The following KNTC1 variants were observed in gnomAD, a reference collection of about 807,000 sequenced individuals.
The protein encoded by KNTC1 is kinetochore associated 1.
In KNTC1, 253 loss-of-function variants were observed where a neutral mutation model predicts 314.4. The observed-to-expected ratio is 0.80, with a 90% confidence interval of 0.73 to 0.89. The LOEUF is 0.89. Among genes scored for constraint, KNTC1 ranks in the 40% least tolerant of loss-of-function variants. The pLI is 0.00. For missense variants in KNTC1, 2,475 were observed against 2,572.9 expected (o/e 0.96, Z 0.82); for synonymous variants, 901 against 901.4 (o/e 1.00, Z 0.01).
Position 122,602,566 on chromosome 12 carries a change from T to C in KNTC1, c.4654-3T>C, listed in dbSNP as rs1366503093. The C allele has an allele frequency of 2.5e-6, 4 of 1,588,448 alleles. No individual in the cohort carries two copies. The highest frequency in any genetic ancestry group is 3.4e-6 in the Non-Finnish European group (4 of 1,163,078). ...TGGACAAAAGTTTTTTATTTTAATATAGGCATTGAGTATTCTGAAACATTT... is the reference window on the plus strand; with the variant it reads ...TGGACAAAAGTTTTTTATTTTAATACAGGCATTGAGTATTCTGAAACATTT... On this transcript the variant is annotated splice_region_variant and splice_polypyrimidine_tract_variant and intron_variant, in intron 45 of 63. Coordinates refer to ENST00000333479, the MANE Select transcript of KNTC1 (RefSeq NM_014708.6).
chr12:122,569,925 G>GC, intron 22 of KNTC1, 101 bp downstream of exon 22: 1 of 1,006,688 alleles, frequency 9.9e-7, no homozygotes, highest in Non-Finnish European at 1.5e-6. Context: ...ACACCAGTTA[G>GC]TTAAGCTAAC....
At chr12:122,559,828 G>A (rs954903847) in intron 18 of KNTC1, among the ~76,000 whole-genome samples, 15 of 152,136 alleles carry the variant, frequency 9.9e-5, no homozygotes, top group African/African-American at 3.6e-4. Context: ...GCCTGTTTTG[G>A]CCTCCCAAAG....
intron 42 of KNTC1, chr12:122,593,401 C>G (rs1490714642): frequency 6.6e-6 from 1 of 151,728 alleles, no homozygotes; most frequent in Non-Finnish European, 1.5e-5. Context: ...GTAGCTGGGA[C>G]TACAGGCATG....
intron 48 of KNTC1, among the ~76,000 whole-genome samples, chr12:122,603,904 T>C (rs1375364836): frequency 6.6e-6 from 1 of 152,170 alleles, no homozygotes; most frequent in Non-Finnish European, 1.5e-5. Flanking sequence ...AAGTGACTTT[T>C]TAAAAAATGC....
chr12:122,614,127 G>A (rs1408387071), intron 55 of KNTC1, among the ~76,000 whole-genome samples: 6 of 152,064 alleles, frequency 3.9e-5, no homozygotes, highest in African/African-American at 7.2e-5. Context: ...CACTGCACCC[G>A]ACCCAGGAAC....
At chr12:122,550,137 G>C (rs932873317) in intron 13 of KNTC1, among the ~76,000 whole-genome samples, 1 of 133,794 alleles carries the variant, frequency 7.5e-6, no homozygotes, top group African/African-American at 3.1e-5. Context: ...AGGAAGTATA[G>C]ATGATAATGG....
At chr12:122,583,097 G>A (rs941037833) in intron 34 of KNTC1, 112 bp downstream of exon 34, 16 of 957,872 alleles carry the variant, frequency 1.7e-5, no homozygotes, top group Non-Finnish European at 2.0e-5. Context: ...GGATCACAAG[G>A]TCAGGAGATC....
chr12:122,616,331 C>T (rs1873761535), intron 57 of KNTC1, among the ~76,000 whole-genome samples: 3 of 149,374 alleles, frequency 2.0e-5, no homozygotes, highest in South Asian at 2.1e-4. Context: ...TGTGTGATCT[C>T]GGCTCATTGC....
At chr12:122,581,063 T>A (rs916648214) in intron 33 of KNTC1, among the ~76,000 whole-genome samples, 3 of 151,864 alleles carry the variant, frequency 2.0e-5, no homozygotes, top group Non-Finnish European at 4.4e-5. Flanking sequence ...CACTAGCCTT[T>A]AGGGACTGGA....
At chr12:122,624,089 C>T (rs1874739181) in intron 62 of KNTC1, among the ~76,000 whole-genome samples, 1 of 151,914 alleles carries the variant, frequency 6.6e-6, no homozygotes. Flanking sequence ...AAAAAAAGAA[C>T]AATGTGTAAC....
At chr12:122,543,163 T>C (rs1015738982) in intron 6 of KNTC1, among the ~76,000 whole-genome samples, 4 of 152,212 alleles carry the variant, frequency 2.6e-5, no homozygotes, top group African/African-American at 9.6e-5. Context: ...TTTGCCCGTC[T>C]TGGCCTCCCA....
rs993431960 is a variant in KNTC1, at chr12:122,582,586, A to T, written c.2983-119A>T. The stretch of plus-strand genomic sequence containing the variant: ...ATATACCCAGGTGAGAAGCCCAGAC[A>T]TGTACCCCTGAATCTAAAATAAAAG... On this transcript the variant is annotated intron_variant, in intron 33 of 63. Coordinates refer to ENST00000333479, the MANE Select transcript of KNTC1 (RefSeq NM_014708.6). 11 of 901,102 alleles carry T rather than the reference A, an allele frequency of 1.2e-5. No homozygotes were observed. The Admixed American group carries it at 2.0e-4, about 17-fold the overall frequency. The allele number at this position is 901,102 out of a possible 1,614,324, so 55.8% of individuals were successfully genotyped here.
In KNTC1 at chr12:122,591,416, C is replaced by G; in HGVS notation, c.4208C>G (p.Thr1403Ser). ...EMGLKFRELSTDAQWGIRLGK... is the reference protein window; with the variant it reads ...EMGLKFRELSSDAQWGIRLGK... Reference sequence around the variant, plus strand: ...GGGCTTAAGTTCCGTGAACTCAGTACTGATGCCCAGTGGGGCATTCGTCTT... The same window carrying G: ...GGGCTTAAGTTCCGTGAACTCAGTAGTGATGCCCAGTGGGGCATTCGTCTT... The change falls in exon 42 of 64, where the codon ACT becomes AGT. Residue 1403 changes from threonine to serine, a missense_variant. Physicochemically the swap from Thr to Ser is moderately conservative, Grantham distance 58 (BLOSUM62 1). Transcript: ENST00000333479. The G allele has an allele frequency of 6.2e-7, 1 of 1,607,372 alleles. No homozygotes were observed. Among genetic ancestry groups the G allele is most frequent in the South Asian group, 1.1e-5 (1 of 90,654 alleles).
At chr12:122,532,206 C>CTTTT (rs139344183) in intron 2 of KNTC1, among the ~76,000 whole-genome samples, 5 of 99,532 alleles carry the variant, frequency 5.0e-5, no homozygotes, top group Non-Finnish European at 1.0e-4. Flanking sequence ...GCTAATTTTT[C>CTTTT]TTTTTTTTTT....
chr12:122,615,457 T>G lies in KNTC1; in HGVS notation c.5974-13T>G. ...GTGGTCTTTAGAACTTTTTTATTTT[T>G]AATTTTTTACAGATTCCTTATCTAA... On this transcript the variant is annotated splice_polypyrimidine_tract_variant and intron_variant, in intron 56 of 63. Transcript: ENST00000333479. The G allele has an allele frequency of 6.7e-7, 1 of 1,503,108 alleles. No homozygotes were observed. The highest frequency in any genetic ancestry group is 1.3e-5 in the South Asian group (1 of 77,458). The allele number at this position is 1,503,108 out of a possible 1,614,324, so 93.1% of individuals were successfully genotyped here.
intron 38 of KNTC1, among the ~76,000 whole-genome samples, chr12:122,587,396 A>G (rs901791930): frequency 2.4e-4 from 37 of 152,310 alleles, no homozygotes; most frequent in African/African-American, 7.9e-4. Context: ...TTAAAAGTTC[A>G]GTAGATTATG....
At chr12:122,563,737 T>A (rs1964128423) in intron 20 of KNTC1, 1 of 1,386,168 alleles carries the variant, frequency 7.2e-7, no homozygotes, top group Non-Finnish European at 9.4e-7. Context: ...AAATGTCACC[T>A]CTTTAGAATG....
At chr12:122,621,085 A>G (rs988985844) in intron 60 of KNTC1, among the ~76,000 whole-genome samples, 4 of 152,192 alleles carry the variant, frequency 2.6e-5, no homozygotes, top group African/African-American at 9.7e-5. Flanking sequence ...CAAGACAAGA[A>G]GGCTACAAGG....
intron 39 of KNTC1, among the ~76,000 whole-genome samples, chr12:122,588,317 G>C (rs551609562): frequency 6.6e-6 from 1 of 152,226 alleles, no homozygotes; most frequent in South Asian, 2.1e-4. Context: ...AGAGATTCTA[G>C]AAGACAAACT....
Sources: gnomAD v4.1 joint callset for allele counts (sites outside exome capture counted in the v4.1 genomes callset) on GRCh38, gnomAD v4.1.1 for gene constraint, MANE v1.5 for transcripts, NCBI Gene and HGNC (gene_info 2026-07-23, HGNC 2026-07-21) for gene names.